The following LYZL4 variants were observed in gnomAD, a reference collection of about 807,000 sequenced individuals.
LYZL4 encodes the protein lysozyme like 4.
A neutral mutation model predicts 17.6 loss-of-function variants in LYZL4; 13 were observed. The ratio of observed to expected loss-of-function variants is 0.74; its 90% CI spans 0.48 to 1.18. The LOEUF (loss-of-function observed/expected upper bound fraction) is 1.18, where lower values mean the gene tolerates loss of function less well. Ranked by LOEUF, LYZL4 falls within the 50% of genes most tolerant of loss-of-function variation. LYZL4 has a pLI of 0.00. For synonymous variants in LYZL4, 64 were observed against 67.7 expected (o/e 0.95, Z 0.27); for missense variants, 174 against 188.2 (o/e 0.92, Z 0.44).
downstream of LYZL4, among the ~76,000 whole-genome samples, chr3:42,394,027 AGGTGATC>A (rs1698520906): frequency 6.6e-6 from 1 of 152,192 alleles, no homozygotes; most frequent in Admixed American, 6.5e-5. Flanking sequence ...TCCTGGCCCC[AGGTGATC>A]CGCTCACCTC....
At chr3:42,390,591 A>G in the LYZL4 span, among the ~76,000 whole-genome samples, 17 of 151,364 alleles carry the variant, frequency 1.1e-4, no homozygotes, top group African/African-American at 4.1e-4. Context: ...CCCAGGCTGG[A>G]GTGCAGTGGC....
chr3:42,398,257 C>T (rs990230897), intron 4 of LYZL4, among the ~76,000 whole-genome samples: 7 of 152,188 alleles, frequency 4.6e-5, no homozygotes, highest in Non-Finnish European at 1.0e-4. Context: ...GCTGACCAAC[C>T]GAGCTTTGGA....
At chr3:42,375,704 C>G in the LYZL4 span, among the ~76,000 whole-genome samples, 1 of 152,094 alleles carries the variant, frequency 6.6e-6, no homozygotes, top group Non-Finnish European at 1.5e-5. Context: ...GTAATATGAA[C>G]AAGAAAGCAT....
intron 3 of LYZL4, among the ~76,000 whole-genome samples, chr3:42,405,002 T>C (rs1698723779): frequency 6.6e-6 from 1 of 152,208 alleles, no homozygotes; most frequent in South Asian, 2.1e-4. Context: ...AAGTGGTTGT[T>C]AATGTCCCCA....
the LYZL4 span, among the ~76,000 whole-genome samples, chr3:42,377,625 C>CTGTGTGTGTGTGTGTG: frequency 8.3e-4 from 119 of 143,780 alleles, no homozygotes; most frequent in Admixed American, 2.8e-3. Flanking sequence ...GCATGACTCT[C>CTGTGTGTGTGTGTGTG]TGTGTGTGTG....
At chr3:42,398,753 T>C (rs1292065656) in intron 4 of LYZL4, among the ~76,000 whole-genome samples, 2 of 152,180 alleles carry the variant, frequency 1.3e-5, no homozygotes, top group Non-Finnish European at 2.9e-5. Flanking sequence ...AGCACTGTTG[T>C]AATACATGGC....
the LYZL4 span, among the ~76,000 whole-genome samples, chr3:42,378,215 T>C: frequency 6.6e-6 from 1 of 152,164 alleles, no homozygotes; most frequent in Non-Finnish European, 1.5e-5. Flanking sequence ...TCTCCCCTAG[T>C]TTCTCCCAGG....
intron 1 of LYZL4, among the ~76,000 whole-genome samples, chr3:42,408,537 C>T (rs1040755282): frequency 1.3e-5 from 2 of 152,200 alleles, no homozygotes; most frequent in African/African-American, 4.8e-5. Context: ...CTCTGAGCCC[C>T]TATTGCTCTC....
chr3:42,401,111 ACT>A (rs1279905556), intron 4 of LYZL4, among the ~76,000 whole-genome samples: 3 of 152,186 alleles, frequency 2.0e-5, no homozygotes, highest in Admixed American at 6.5e-5. Flanking sequence ...AATATGGGTA[ACT>A]CTGTCCTTAT....
the LYZL4 span, among the ~76,000 whole-genome samples, chr3:42,373,154 T>C: frequency 2.6e-5 from 4 of 152,114 alleles, no homozygotes; most frequent in African/African-American, 9.7e-5. Context: ...GAGGTTGCAG[T>C]GAGCTGAGAT....
intron 4 of LYZL4, among the ~76,000 whole-genome samples, chr3:42,399,451 G>A (rs1698614903): frequency 6.6e-6 from 1 of 152,208 alleles, no homozygotes; most frequent in Non-Finnish European, 1.5e-5. Flanking sequence ...TAGAGAACTG[G>A]CAGATAAATT....
the LYZL4 span, among the ~76,000 whole-genome samples, chr3:42,384,544 C>T: frequency 6.6e-6 from 1 of 152,092 alleles, no homozygotes; most frequent in Non-Finnish European, 1.5e-5. Context: ...ATCTGAACAT[C>T]CTGAGAGGAG....
At chr3:42,400,607 T>A (rs1303324874) in intron 4 of LYZL4, among the ~76,000 whole-genome samples, 1 of 152,222 alleles carries the variant, frequency 6.6e-6, no homozygotes, top group Non-Finnish European at 1.5e-5. Flanking sequence ...AATGATTTAA[T>A]AACAGCTTTG....
chr3:42,406,346 C>A (rs529387820), intron 3 of LYZL4, among the ~76,000 whole-genome samples: 18 of 145,556 alleles, frequency 1.2e-4, no homozygotes, highest in African/African-American at 4.3e-4. Context: ...CCCAGCTACT[C>A]GGGAGGCTGA....
chr3:42,401,383 G>T (rs1162205419), intron 4 of LYZL4, among the ~76,000 whole-genome samples: 3 of 151,526 alleles, frequency 2.0e-5, no homozygotes, highest in Admixed American at 6.6e-5. Flanking sequence ...GCTAATTTTT[G>T]CATTTTTTTT....
chr3:42,403,478 G>A (rs1698695343), intron 4 of LYZL4, among the ~76,000 whole-genome samples: 1 of 152,034 alleles, frequency 6.6e-6, no homozygotes, highest in East Asian at 1.9e-4. Context: ...GTTTTGCCAT[G>A]TTGGTCAGAC....
the LYZL4 span, among the ~76,000 whole-genome samples, chr3:42,386,504 A>G: frequency 6.7e-6 from 1 of 149,330 alleles, no homozygotes; most frequent in Non-Finnish European, 1.5e-5. Context: ...ACTTAGTCAC[A>G]TCTTCAAAGC....
the LYZL4 span, among the ~76,000 whole-genome samples, chr3:42,371,583 C>T: frequency 6.6e-6 from 1 of 152,166 alleles, no homozygotes; most frequent in Non-Finnish European, 1.5e-5. Flanking sequence ...TGGACAACTG[C>T]CAAGACCTGG....
chr3:42,388,826 A>T, the LYZL4 span, among the ~76,000 whole-genome samples: 37 of 152,276 alleles, frequency 2.4e-4, 1 homozygote, highest in South Asian at 7.5e-3. Context: ...GGTGACCAAT[A>T]GATAATAAAA....
Sources: allele counts gnomAD v4.1 joint callset (sites outside exome capture counted in the v4.1 genomes callset), GRCh38; gene constraint gnomAD v4.1.1; transcripts MANE v1.5; gene names NCBI Gene and HGNC (gene_info 2026-07-23, HGNC 2026-07-21).